The following ZBTB20 variants were observed in gnomAD, a reference collection of about 807,000 sequenced individuals.
ZBTB20 encodes the protein zinc finger and BTB domain-containing protein 20.
In ZBTB20, 9 loss-of-function variants were observed where a neutral mutation model predicts 56.9. That is an observed-to-expected ratio of 0.16 (90% CI 0.10 to 0.28). The LOEUF (loss-of-function observed/expected upper bound fraction) is 0.28, where lower values mean the gene tolerates loss of function less well. Among genes scored for constraint, ZBTB20 ranks in the 10% least tolerant of loss-of-function variants. The pLI, the probability that ZBTB20 is intolerant of heterozygous loss-of-function variation, is 1.00. For synonymous variants in ZBTB20, 417 were observed against 420.7 expected (o/e 0.99, Z 0.11); for missense variants, 655 against 1,003.0 (o/e 0.65, Z 4.69).
At position 114,339,504 on chromosome 3, in the gene ZBTB20, A is replaced by C; in HGVS notation, c.1805-78T>G. The stretch of plus-strand genomic sequence containing the variant: ...ATAGAGAATGAAGGACAGGAAAAAC[A>C]AGACAACAAAAAAGAAAAATAAAAC... On this transcript the variant is annotated intron_variant, in intron 11 of 11. Transcript: ENST00000675478. The surrounding 1 kb of genome is among the most constrained non-coding windows in gnomAD (Gnocchi z 4.2). 2 of 1,436,332 alleles carry C rather than the reference A, an allele frequency of 1.4e-6. No homozygotes were observed. The highest frequency in any genetic ancestry group is 1.9e-6 in the Non-Finnish European group (2 of 1,070,536). The allele number at this position is 1,436,332 out of a possible 1,614,324, so 89.0% of individuals were successfully genotyped here.
intron 6 of ZBTB20, among the ~76,000 whole-genome samples, chr3:114,686,492 G>C (rs1348313438): frequency 6.6e-6 from 1 of 152,112 alleles, no homozygotes; most frequent in Non-Finnish European, 1.5e-5. Flanking sequence ...AAAACATTCT[G>C]ATTGATTTTT....
intron 5 of ZBTB20, among the ~76,000 whole-genome samples, chr3:114,734,807 G>A (rs2066018740): frequency 1.3e-5 from 2 of 152,078 alleles, no homozygotes; most frequent in African/African-American, 4.8e-5. Flanking sequence ...GCCTATCTCA[G>A]CAGCTCAGGG....
intron 6 of ZBTB20, among the ~76,000 whole-genome samples, chr3:114,666,004 C>G (rs531862662): frequency 6.6e-6 from 1 of 152,006 alleles, no homozygotes; most frequent in Non-Finnish European, 1.5e-5. Context: ...CAAATGGAAT[C>G]CTTTAGCTAT....
At chr3:114,381,959 A>C (rs2084407590) in intron 8 of ZBTB20, among the ~76,000 whole-genome samples, 1 of 152,212 alleles carries the variant, frequency 6.6e-6, no homozygotes, top group Admixed American at 6.5e-5. Context: ...TAACCCCCAA[A>C]TCTTGAGTGT....
At chr3:114,748,330 CTTTCTTCTTTCTTTCTTTCTTT>C (rs1403862757) in intron 5 of ZBTB20, among the ~76,000 whole-genome samples, 6 of 84,136 alleles carry the variant, frequency 7.1e-5, no homozygotes, top group African/African-American at 1.6e-4. Flanking sequence ...TTCTTTCTTT[CTTTCTTCTTTCTTTCTTTCTTT>C]TCTCTCTCTC....
At chr3:115,132,498 G>A (rs553903891) in intron 1 of ZBTB20, among the ~76,000 whole-genome samples, 1 of 152,240 alleles carries the variant, frequency 6.6e-6, no homozygotes, top group African/African-American at 2.4e-5. Context: ...AAATGTTAAT[G>A]TTATATCATT....
chr3:114,597,411 C>T (rs992318713), intron 6 of ZBTB20, among the ~76,000 whole-genome samples: 14 of 152,254 alleles, frequency 9.2e-5, no homozygotes, highest in Non-Finnish European at 1.8e-4. Context: ...ATATTTTAAA[C>T]GTAAAGGAAG....
chr3:114,540,072 T>C (rs1313949398), intron 6 of ZBTB20, among the ~76,000 whole-genome samples: 2 of 152,074 alleles, frequency 1.3e-5, no homozygotes, highest in African/African-American at 2.4e-5. Context: ...CCATACTCCA[T>C]GCTCCGAAAG....
rs377572631 is a variant in ZBTB20 at position 114,479,101 on chromosome 3, G to T, written c.-255+21251C>A. 3.1e-4 allele frequency among the ~76,000 whole-genome samples: 46 copies of T among 147,448 alleles called. 1 individual carries two copies. Among genetic ancestry groups the T allele is most frequent in the African/African-American group, 1.1e-3 (42 of 39,288 alleles). On this transcript the variant is annotated intron_variant, in intron 7 of 11. Coordinates refer to ENST00000675478, the MANE Select transcript of ZBTB20 (RefSeq NM_001348800.3). ...CCACAGTAGGGTGTTTTTTCAGGAT[G>T]GGGGGAAGAAGGAAGGAGTTTTTGT...
chr3:114,716,417 C>G (rs924100594), intron 5 of ZBTB20, among the ~76,000 whole-genome samples: 1 of 152,060 alleles, frequency 6.6e-6, no homozygotes, highest in Non-Finnish European at 1.5e-5. Flanking sequence ...TGACAGTGTG[C>G]GTAGACTCAC....
chr3:114,850,800 A>G (rs906166088), intron 4 of ZBTB20, among the ~76,000 whole-genome samples: 1 of 152,184 alleles, frequency 6.6e-6, no homozygotes, highest in Non-Finnish European at 1.5e-5. Flanking sequence ...GATCTAACCC[A>G]TGGCCTAAAG....
chr3:114,451,485 C>A (rs1190331741), intron 7 of ZBTB20, among the ~76,000 whole-genome samples: 2 of 152,016 alleles, frequency 1.3e-5, no homozygotes, highest in Non-Finnish European at 2.9e-5. Flanking sequence ...TTCTTTTTGG[C>A]AAATAATTAA....
At chr3:114,893,037 A>T (rs1369536214) in intron 4 of ZBTB20, among the ~76,000 whole-genome samples, 1 of 152,218 alleles carries the variant, frequency 6.6e-6, no homozygotes, top group Non-Finnish European at 1.5e-5. Flanking sequence ...TTCCCAAATC[A>T]TTGGGTACAG....
intron 3 of ZBTB20, among the ~76,000 whole-genome samples, chr3:114,926,892 C>T (rs2076178446): frequency 6.6e-6 from 1 of 152,152 alleles, no homozygotes. Flanking sequence ...GCATACACCA[C>T]CACATCTGGC....
chr3:114,576,829 C>G lies in ZBTB20; in HGVS notation c.-294-76438G>C, dbSNP rs144838959. Among the ~76,000 whole-genome samples, 616 of 151,284 alleles carry G rather than the reference C, an allele frequency of 4.1e-3. 5 individuals are homozygous for G. The highest frequency in any genetic ancestry group is 0.014 in the African/African-American group (576 of 41,260). Reference sequence around the variant, plus strand: ...GAGTGAGAAAGTGAGTGAGAATAGACCAAGCAAGCATAAAAACATAGAAAA... The same window carrying G: ...GAGTGAGAAAGTGAGTGAGAATAGAGCAAGCAAGCATAAAAACATAGAAAA... On this transcript the variant is annotated intron_variant, in intron 6 of 11. Coordinates refer to ENST00000675478, the MANE Select transcript of ZBTB20 (RefSeq NM_001348800.3).
chr3:114,348,332 G>T (rs2080362718), intron 11 of ZBTB20, among the ~76,000 whole-genome samples: 1 of 152,082 alleles, frequency 6.6e-6, no homozygotes, highest in South Asian at 2.1e-4. Context: ...AGCTATCCAG[G>T]GGAGGAAAGG....
At chr3:114,538,834 A>T (rs1394885375) in intron 6 of ZBTB20, among the ~76,000 whole-genome samples, 3 of 152,148 alleles carry the variant, frequency 2.0e-5, no homozygotes, top group Non-Finnish European at 4.4e-5. Flanking sequence ...TATGTGTATT[A>T]AAAAATCTCA....
chr3:114,514,830 G>T (rs901911222), intron 6 of ZBTB20, among the ~76,000 whole-genome samples: 10 of 151,990 alleles, frequency 6.6e-5, no homozygotes, highest in African/African-American at 2.4e-4. Context: ...ATGCCTAGAG[G>T]GAAACCTCAG....
At chr3:114,395,461 A>C (rs183967091) in intron 7 of ZBTB20, among the ~76,000 whole-genome samples, 21 of 152,262 alleles carry the variant, frequency 1.4e-4, no homozygotes, top group African/African-American at 4.3e-4. Flanking sequence ...CCTGAGAAGG[A>C]AGATGTGGGA....
Sources: allele counts gnomAD v4.1 joint callset (sites outside exome capture counted in the v4.1 genomes callset), GRCh38; gene constraint gnomAD v4.1.1; non-coding constraint Gnocchi (gnomAD v3.1); transcripts MANE v1.5; gene names NCBI Gene and HGNC (gene_info 2026-07-23, HGNC 2026-07-21).